ADAMTS17: variants seen among roughly 807,000 people sequenced by gnomAD.
ADAMTS17 encodes ADAM metallopeptidase with thrombospondin type 1 motif 17.
ADAMTS17 carries 113 observed loss-of-function variants against 141.5 expected under a neutral mutation model. The ratio of observed to expected loss-of-function variants is 0.80; its 90% CI spans 0.69 to 0.93. The LOEUF (loss-of-function observed/expected upper bound fraction) is 0.93, where lower values mean the gene tolerates loss of function less well. Ranked by LOEUF, ADAMTS17 falls within the 40% of genes least tolerant of loss-of-function variation. The pLI is 0.00. For missense variants in ADAMTS17, 1,659 were observed against 1,517.9 expected, an observed-to-expected ratio of 1.09 and a Z score of -1.54; for synonymous variants, 768 against 630.6, an observed-to-expected ratio of 1.22 and a Z score of -3.27.
At chr15:99,986,242 C>CGCGTGATACA (rs2060583829) in intron 20 of ADAMTS17, among the ~76,000 whole-genome samples, 1 of 152,216 alleles carries the variant, frequency 6.6e-6, no homozygotes, top group South Asian at 2.1e-4. Context: ...ACTACCCTCT[C>CGCGTGATACA]GCGTGATACA....
rs768399284 is a variant in ADAMTS17, at chr15:100,152,609, T to C, written c.1473+3A>G. ...CCGAGCCAGCCCTCCCACGGCTGCT[T>C]ACCTCCATGTTTCTGCAGAAGGTGG... is the stretch of plus-strand genomic sequence containing the variant. On this transcript the variant is annotated splice_donor_region_variant and intron_variant, in intron 10 of 21. Coordinates refer to ENST00000268070, the MANE Select transcript of ADAMTS17 (RefSeq NM_139057.4). 3 of 1,613,568 alleles carry C rather than the reference T, an allele frequency of 1.9e-6. No homozygotes were observed. Among genetic ancestry groups the C allele is most frequent in the Middle Eastern group, 1.6e-4 (1 of 6,084 alleles).
Position 99,977,378 on chromosome 15 carries a change from ATATATATATATATATATATATAATTT to A in ADAMTS17, c.2950-1182_2950-1157del, listed in dbSNP as rs2060371366. Reference sequence around the variant, plus strand: ...TATATATATATATATATATATATATATATATATATATATATATATATAATTTTTTTTTTTTTTTTTTTTTTTTTTTT... The same window carrying A: ...TATATATATATATATATATATATATATTTTTTTTTTTTTTTTTTTTTTTTT... On this transcript the variant is annotated intron_variant, in intron 20 of 21. Transcript: ENST00000268070. Among the ~76,000 whole-genome samples the A allele has an allele frequency of 2.8e-4, 6 of 21,180 alleles. 2 individuals are homozygous for A. The highest frequency in any genetic ancestry group is 3.9e-4 in the Non-Finnish European group (5 of 12,720). The allele number at this position is 21,180 out of a possible 152,430, so 13.9% of individuals were successfully genotyped here. A position where few individuals can be genotyped will look rare whatever the true frequency, so the allele number is the denominator to read the frequency against.
intron 20 of ADAMTS17, chr15:99,980,403 A>G (rs2060460400): frequency 6.6e-6 from 1 of 152,204 alleles, no homozygotes; most frequent in South Asian, 2.1e-4. Context: ...TTCTCTTCAG[A>G]TCTTTTCTCG....
chr15:100,287,759 T>A (rs563624359), intron 3 of ADAMTS17, among the ~76,000 whole-genome samples: 11 of 152,324 alleles, frequency 7.2e-5, no homozygotes, highest in African/African-American at 2.6e-4. Flanking sequence ...TCCAGCCAAA[T>A]TAAGCTTCAT....
intron 18 of ADAMTS17, among the ~76,000 whole-genome samples, chr15:100,019,051 G>T (rs958737235): frequency 1.3e-5 from 2 of 152,122 alleles, no homozygotes; most frequent in African/African-American, 4.8e-5. Context: ...ACCTCAAATG[G>T]CAATCCACCT....
At chr15:100,169,766 G>A (rs905374289) in intron 8 of ADAMTS17, among the ~76,000 whole-genome samples, 5 of 152,216 alleles carry the variant, frequency 3.3e-5, no homozygotes, top group Non-Finnish European at 5.9e-5. Flanking sequence ...GGGGTTAGAG[G>A]TGGAAAGCCG....
At chr15:100,184,847 G>A (rs1348968835) in intron 8 of ADAMTS17, among the ~76,000 whole-genome samples, 1 of 152,146 alleles carries the variant, frequency 6.6e-6, no homozygotes, top group East Asian at 1.9e-4. Flanking sequence ...ATCTGTATGT[G>A]GCAGGTATGA....
rs753481587 is a variant in ADAMTS17, at chr15:100,281,420, A to G, written c.617-19T>C. ...TTCTTTTCTAGAAAATGATGGAAAC[A>G]TTTGTGCGGTCCTTGGCTTACTGAC... On this transcript the variant is annotated intron_variant, in intron 3 of 21. Coordinates refer to ENST00000268070, the MANE Select transcript of ADAMTS17 (RefSeq NM_139057.4). 3.7e-6 allele frequency: 6 copies of G among 1,609,710 alleles called. No homozygotes were observed. The highest frequency in any genetic ancestry group is 3.4e-6 in the Non-Finnish European group (4 of 1,178,838).
Position 100,132,687 on chromosome 15 carries a change from G to A in ADAMTS17, c.1575+527C>T, listed in dbSNP as rs1032047277. Among the ~76,000 whole-genome samples, 13 of 152,128 alleles carry A rather than the reference G, an allele frequency of 8.5e-5. No homozygotes were observed. In the East Asian group the frequency reaches 9.6e-4, roughly 11 times the overall value. On this transcript the variant is annotated intron_variant, in intron 11 of 21. Coordinates refer to ENST00000268070, the MANE Select transcript of ADAMTS17 (RefSeq NM_139057.4). ...TGTGATTTCTGTGGTTCCCAATCAC[G>A]GCATCAGAGCAAACCTTTACTCCTT...
chr15:100,092,306 C>T (rs565118400), intron 15 of ADAMTS17, among the ~76,000 whole-genome samples: 13 of 152,314 alleles, frequency 8.5e-5, no homozygotes, highest in African/African-American at 2.6e-4. Context: ...CTGAGTTTAT[C>T]CATGGCTTCG....
chr15:100,338,878 A>G (rs1297446302), intron 2 of ADAMTS17: 1 of 905,472 alleles, frequency 1.1e-6, no homozygotes, highest in Non-Finnish European at 1.3e-6. Context: ...CTGCAATGCA[A>G]ACTTGGTTAG....
At chr15:100,161,658 C>T (rs77647334) in intron 8 of ADAMTS17, among the ~76,000 whole-genome samples, 3,094 of 152,274 alleles carry the variant, frequency 0.02, 158 homozygotes, top group East Asian at 0.19. Flanking sequence ...AGCTCTGCAC[C>T]AGAGGGGAAA....
intron 12 of ADAMTS17, among the ~76,000 whole-genome samples, chr15:100,131,072 A>G (rs571399945): frequency 3.1e-4 from 47 of 152,200 alleles, no homozygotes; most frequent in Middle Eastern, 3.2e-3. Flanking sequence ...TTGCAGGGAC[A>G]TGGATGAAGC....
intron 18 of ADAMTS17, among the ~76,000 whole-genome samples, chr15:100,017,892 G>GT (rs888529277): frequency 2.0e-5 from 3 of 152,108 alleles, no homozygotes; most frequent in African/African-American, 7.2e-5. Flanking sequence ...CATTATGTGT[G>GT]TTTTTTTGTC....
At chr15:100,085,113 G>A (rs994573482) in intron 15 of ADAMTS17, among the ~76,000 whole-genome samples, 2 of 152,030 alleles carry the variant, frequency 1.3e-5, no homozygotes, top group Non-Finnish European at 2.9e-5. Flanking sequence ...TAGATGAATG[G>A]CTAACTAGAA....
At chr15:100,140,071 C>G (rs191690376) in intron 10 of ADAMTS17, among the ~76,000 whole-genome samples, 2 of 152,330 alleles carry the variant, frequency 1.3e-5, no homozygotes, top group African/African-American at 2.4e-5. Flanking sequence ...TCTCAGCTCA[C>G]TGCAACCTCC....
At chr15:100,248,861 C>G (rs936170144) in intron 7 of ADAMTS17, among the ~76,000 whole-genome samples, 3 of 150,410 alleles carry the variant, frequency 2.0e-5, no homozygotes, top group Non-Finnish European at 4.4e-5. Flanking sequence ...TGCAGTGGTG[C>G]GATCTCGGCT....
intron 10 of ADAMTS17, among the ~76,000 whole-genome samples, chr15:100,135,062 G>A (rs1280411555): frequency 1.3e-5 from 2 of 152,170 alleles, no homozygotes; most frequent in African/African-American, 4.8e-5. Flanking sequence ...TATGGGACAG[G>A]AGCGGTTGGG....
intron 8 of ADAMTS17, among the ~76,000 whole-genome samples, chr15:100,162,991 T>C (rs548591316): frequency 7.0e-6 from 1 of 143,352 alleles, no homozygotes; most frequent in South Asian, 2.1e-4. Flanking sequence ...TATATATAAC[T>C]ATATATGTAT....
Sources: allele counts gnomAD v4.1 joint callset (sites outside exome capture counted in the v4.1 genomes callset), GRCh38; gene constraint gnomAD v4.1.1; transcripts MANE v1.5; gene names NCBI Gene and HGNC (gene_info 2026-07-23, HGNC 2026-07-21).